The following BLM variants were observed in gnomAD, a reference collection of about 807,000 sequenced individuals.
BLM encodes the protein BLM RecQ like helicase.
BLM carries 95 observed loss-of-function variants against 135.3 expected under a neutral mutation model. The ratio of observed to expected loss-of-function variants is 0.70; its 90% CI spans 0.59 to 0.83. The LOEUF is 0.83. BLM is among the 40% of genes least tolerant of loss of function. BLM has a pLI of 0.00. For missense variants in BLM, 1,518 were observed against 1,663.9 expected, an observed-to-expected ratio of 0.91 and a Z score of 1.53; for synonymous variants, 520 against 589.2, an observed-to-expected ratio of 0.88 and a Z score of 1.70.
At chr15:90,777,178 G>T (rs571177411) in intron 12 of BLM, among the ~76,000 whole-genome samples, 16 of 151,338 alleles carry the variant, frequency 1.1e-4, no homozygotes, top group African/African-American at 3.6e-4. Flanking sequence ...AGGGGGGTGG[G>T]GGGAATGGAG....
intron 20 of BLM, 71 bp from the exon 21 acceptor site, chr15:90,811,134 T>C (rs1258299833): frequency 6.5e-7 from 1 of 1,536,478 alleles, no homozygotes; most frequent in African/African-American, 1.4e-5. Flanking sequence ...GCAGCGTGTC[T>C]CTTCATATAC....
chr15:90,791,586 T>C (rs1253080885), intron 15 of BLM, among the ~76,000 whole-genome samples: 1 of 152,186 alleles, frequency 6.6e-6, no homozygotes, highest in Non-Finnish European at 1.5e-5. Context: ...CAATGCAGTA[T>C]TGAACATCCC....
In BLM at chr15:90,782,800, T is replaced by G. The variant is rs28385057; in HGVS notation, c.2556-22T>G. 597 of 1,554,578 alleles carry G rather than the reference T, an allele frequency of 3.8e-4. 4 individuals carry two copies. The African/African-American group carries it at 7.2e-3, about 19-fold the overall frequency. On this transcript the variant is annotated intron_variant, in intron 12 of 21. Coordinates refer to ENST00000355112, the MANE Select transcript of BLM (RefSeq NM_000057.4). ...TCATATTTTCTCATAATAACTAAAT[T>G]TTATGTTTGGGACTTTTTTAGGTTT...
At chr15:90,804,724 C>G (rs1486978221) in intron 19 of BLM, among the ~76,000 whole-genome samples, 1 of 152,194 alleles carries the variant, frequency 6.6e-6, no homozygotes, top group Non-Finnish European at 1.5e-5. Context: ...CTTAGCCTGC[C>G]AGAGTGCTGG....
intron 1 of BLM, among the ~76,000 whole-genome samples, chr15:90,743,709 G>A (rs1293833366): frequency 6.6e-6 from 1 of 152,076 alleles, no homozygotes; most frequent in African/African-American, 2.4e-5. Context: ...TTTTCTTTTT[G>A]TGTCCAACAA....
intron 12 of BLM, among the ~76,000 whole-genome samples, chr15:90,776,167 G>A (rs8033935): frequency 0.039 from 5,936 of 152,200 alleles, 306 homozygotes; most frequent in African/African-American, 0.12. Context: ...CCAAGATTAC[G>A]TAATGATCAG....
chr15:90,812,066 A>C (rs1382464672), intron 21 of BLM, among the ~76,000 whole-genome samples: 1 of 152,196 alleles, frequency 6.6e-6, no homozygotes, highest in Non-Finnish European at 1.5e-5. Flanking sequence ...TCCACCTACA[A>C]TACTATAAAT....
At chr15:90,756,676 T>C (rs757518755) in intron 5 of BLM, among the ~76,000 whole-genome samples, 28 of 152,242 alleles carry the variant, frequency 1.8e-4, no homozygotes, top group Non-Finnish European at 3.7e-4. Context: ...AACAGTCCAT[T>C]CATCACCACT....
chr15:90,756,159 A>C (rs1343025012), intron 5 of BLM, among the ~76,000 whole-genome samples: 1 of 150,382 alleles, frequency 6.6e-6, no homozygotes, highest in Non-Finnish European at 1.5e-5. Context: ...GCTGGAGTGC[A>C]GTGGCACAAC....
rs766386787 is a variant in BLM, at chr15:90,751,906, G to A, written c.919G>A (p.Glu307Lys). Reference protein sequence around the residue: ...DTDFVPPSPEEIISASSSSSK... With the variant: ...DTDFVPPSPEKIISASSSSSK... ...GGATTTTGTTCCACCTTCTCCAGAAGAAATTATTTCTGCTTCTTCTTCCTC... is the reference window on the plus strand; with the variant it reads ...GGATTTTGTTCCACCTTCTCCAGAAAAAATTATTTCTGCTTCTTCTTCCTC... Residue 307 changes from glutamate to lysine, a missense_variant, in exon 4 of 22, where the codon GAA (glutamate) becomes AAA (lysine). This residue lies in a region of BLM where 724 missense variants were observed against 756.9 expected (regional missense o/e 0.96). Coordinates refer to ENST00000355112, the MANE Select transcript of BLM (RefSeq NM_000057.4). 6.2e-7 allele frequency: 1 copy of A among 1,613,058 alleles called. No homozygotes were observed. Among genetic ancestry groups the A allele is most frequent in the Non-Finnish European group, 8.5e-7 (1 of 1,179,186 alleles).
intron 5 of BLM, chr15:90,755,290 A>G (rs1895788158): frequency 3.2e-6 from 1 of 314,530 alleles, no homozygotes; most frequent in South Asian, 3.1e-5. Flanking sequence ...CACGGACCAC[A>G]GAGCGTAATC....
intron 1 of BLM, among the ~76,000 whole-genome samples, chr15:90,743,165 G>A (rs1271197861): frequency 1.3e-5 from 2 of 151,412 alleles, no homozygotes; most frequent in African/African-American, 4.9e-5. Flanking sequence ...CCTGGCTAAA[G>A]ATGGGATCTC....
At chr15:90,787,210 C>T (rs1370767130) in intron 14 of BLM, among the ~76,000 whole-genome samples, 1 of 115,294 alleles carries the variant, frequency 8.7e-6, no homozygotes, top group African/African-American at 5.2e-5. Context: ...CCACCACGCC[C>T]GGCTAATTTT....
At chr15:90,807,641 C>T (rs60932573) in intron 19 of BLM, among the ~76,000 whole-genome samples, 16,040 of 152,042 alleles carry the variant, frequency 0.11, 1,539 homozygotes, top group African/African-American at 0.26. Flanking sequence ...TGAAGCAATC[C>T]GCCCTGTCTC....
At chr15:90,730,281 C>G in intron 1 of BLM, among the ~76,000 whole-genome samples, 1 of 152,162 alleles carries the variant, frequency 6.6e-6, no homozygotes, top group East Asian at 1.9e-4. Flanking sequence ...TCATGATCTA[C>G]TGCTCTGGCT....
chr15:90,744,895 C>CA (rs1291836562), intron 1 of BLM, among the ~76,000 whole-genome samples: 11 of 151,540 alleles, frequency 7.3e-5, no homozygotes, highest in Non-Finnish European at 1.2e-4. Flanking sequence ...ACCAAAAATA[C>CA]AAAAAAATTA....
intron 19 of BLM, chr15:90,808,638 A>T (rs2270132): frequency 5.0e-5 from 10 of 199,556 alleles, no homozygotes; most frequent in Non-Finnish European, 7.2e-5. Context: ...GCCTCAACCC[A>T]CATGGGGAAA....
intron 19 of BLM, among the ~76,000 whole-genome samples, chr15:90,807,427 G>T (rs1897309126): frequency 1.3e-5 from 2 of 152,112 alleles, no homozygotes; most frequent in South Asian, 4.1e-4. Context: ...TTGGAGATAA[G>T]ATCTTATTCT....
At position 90,809,279 on chromosome 15, in the gene BLM, T is replaced by A. The variant is rs543103892; in HGVS notation, c.3874+20T>A. ...CGCCAGGTTAGTACACAGCCATGTG[T>A]GTTCTCTAAAAGCCTGTTTAATGTG... On this transcript the variant is annotated intron_variant, in intron 20 of 21. Transcript: ENST00000355112. 5 of 1,614,102 alleles carry A rather than the reference T, an allele frequency of 3.1e-6. No homozygotes were observed. In the African/African-American group the frequency reaches 6.7e-5, roughly 22 times the overall value.
Sources: gnomAD v4.1 joint callset for allele counts (sites outside exome capture counted in the v4.1 genomes callset) on GRCh38, gnomAD v4.1.1 for gene constraint, gnomAD v4.1.1 regional missense constraint, MANE v1.5 for transcripts, NCBI Gene and HGNC (gene_info 2026-07-23, HGNC 2026-07-21) for gene names.